The following ARHGAP10 variants were observed in gnomAD, a reference collection of about 807,000 sequenced individuals.
ARHGAP10 encodes rho GTPase-activating protein 10.
In ARHGAP10, 87 loss-of-function variants were observed where a neutral mutation model predicts 108.6. That is an observed-to-expected ratio of 0.80 (90% confidence interval 0.67 to 0.96). The LOEUF (loss-of-function observed/expected upper bound fraction) is 0.96. ARHGAP10 is among the 40% of genes least tolerant of loss of function. ARHGAP10 has a pLI of 0.00. For synonymous variants in ARHGAP10, 347 were observed against 341.1 expected (o/e 1.02, Z -0.19); for missense variants, 939 against 954.5 (o/e 0.98, Z 0.21).
intron 1 of ARHGAP10, among the ~76,000 whole-genome samples, chr4:147,795,972 CATG>C (rs1413808517): frequency 6.6e-6 from 1 of 152,156 alleles, no homozygotes; most frequent in Non-Finnish European, 1.5e-5. Context: ...GGATTACAGA[CATG>C]AGCCATCATG....
chr4:147,776,796 C>T (rs536813988), intron 1 of ARHGAP10, among the ~76,000 whole-genome samples: 77 of 152,318 alleles, frequency 5.1e-4, no homozygotes, highest in African/African-American at 1.8e-3. Flanking sequence ...GGACTTGTAT[C>T]GCAGCATGGA....
chr4:147,908,251 T>G (rs1380024289), intron 11 of ARHGAP10, among the ~76,000 whole-genome samples: 2 of 152,232 alleles, frequency 1.3e-5, no homozygotes, highest in Non-Finnish European at 2.9e-5. Flanking sequence ...ACTAGTCTTC[T>G]TTAGTAAAGA....
intron 3 of ARHGAP10, among the ~76,000 whole-genome samples, chr4:147,824,710 A>T (rs932909929): frequency 2.0e-5 from 3 of 152,092 alleles, no homozygotes; most frequent in Non-Finnish European, 1.5e-5. Flanking sequence ...ATCTCACAGG[A>T]ACTCACTGTC....
intron 18 of ARHGAP10, among the ~76,000 whole-genome samples, chr4:147,970,471 G>C (rs1739364821): frequency 6.6e-6 from 1 of 152,152 alleles, no homozygotes; most frequent in Non-Finnish European, 1.5e-5. Flanking sequence ...GGGGAGGAAA[G>C]GAAGAGGCCT....
intron 1 of ARHGAP10, among the ~76,000 whole-genome samples, chr4:147,769,012 A>ACAG (rs1261983276): frequency 6.6e-6 from 1 of 152,172 alleles, no homozygotes; most frequent in Non-Finnish European, 1.5e-5. Flanking sequence ...TGCTGGGATT[A>ACAG]CAGGTGTGAG....
chr4:147,747,862 A>G (rs947528550), intron 1 of ARHGAP10, among the ~76,000 whole-genome samples: 5 of 152,164 alleles, frequency 3.3e-5, no homozygotes, highest in African/African-American at 1.2e-4. Context: ...CTGCACTGGG[A>G]ATTCCAGAGA....
chr4:147,966,629 C>T (rs576675627), intron 17 of ARHGAP10, 51 bp from the exon 18 acceptor site: 52 of 1,469,630 alleles, frequency 3.5e-5, no homozygotes, highest in Non-Finnish European at 4.4e-5. Flanking sequence ...TTACAGTCCA[C>T]AATTTTTGCT....
chr4:147,999,195 A>C (rs986185364), intron 18 of ARHGAP10, among the ~76,000 whole-genome samples: 4 of 152,334 alleles, frequency 2.6e-5, no homozygotes, highest in Admixed American at 2.6e-4. Context: ...TAGTAAAGAG[A>C]GCTCACTAAA....
chr4:147,886,058 C>T (rs1735540398), intron 10 of ARHGAP10, among the ~76,000 whole-genome samples: 1 of 152,152 alleles, frequency 6.6e-6, no homozygotes, highest in South Asian at 2.1e-4. Context: ...AAGTTACCTA[C>T]AGGCTACAGG....
chr4:148,006,323 G>C (rs566931597), intron 18 of ARHGAP10, among the ~76,000 whole-genome samples: 1 of 152,224 alleles, frequency 6.6e-6, no homozygotes, highest in Admixed American at 6.5e-5. Flanking sequence ...CATCCCAGAC[G>C]TTAGCAGACA....
chr4:147,933,187 T>G (rs1181715859), intron 13 of ARHGAP10, among the ~76,000 whole-genome samples: 1 of 152,198 alleles, frequency 6.6e-6, no homozygotes, highest in East Asian at 1.9e-4. Context: ...GCCTGTTAGG[T>G]GAGGCCATAT....
chr4:147,869,527 A>C (rs1484849191), intron 7 of ARHGAP10, among the ~76,000 whole-genome samples: 1 of 152,110 alleles, frequency 6.6e-6, no homozygotes. Context: ...GAGAACTTAC[A>C]CAATTGACAA....
chr4:148,067,764 T>C (rs548075106), intron 22 of ARHGAP10, among the ~76,000 whole-genome samples: 2 of 152,216 alleles, frequency 1.3e-5, no homozygotes, highest in East Asian at 3.9e-4. Context: ...TCAGTAGTTA[T>C]GCGTTTGGGA....
At chr4:147,816,178 A>G (rs1447960642) in intron 1 of ARHGAP10, among the ~76,000 whole-genome samples, 1 of 152,180 alleles carries the variant, frequency 6.6e-6, no homozygotes, top group East Asian at 1.9e-4. Flanking sequence ...GACAGTGCCT[A>G]GCCCCAGTAG....
chr4:148,020,638 A>G (rs944737535), intron 18 of ARHGAP10, among the ~76,000 whole-genome samples: 2 of 149,262 alleles, frequency 1.3e-5, no homozygotes, highest in Non-Finnish European at 1.5e-5. Context: ...GTTCCTTTTT[A>G]TGACTGCATA....
chr4:147,853,846 T>G (rs570155516), intron 4 of ARHGAP10, among the ~76,000 whole-genome samples: 1 of 152,292 alleles, frequency 6.6e-6, no homozygotes, highest in Non-Finnish European at 1.5e-5. Context: ...TATGGCTTCA[T>G]TGTTTACTTG....
chr4:147,903,359 T>A (rs921646369), intron 10 of ARHGAP10, among the ~76,000 whole-genome samples: 1 of 152,192 alleles, frequency 6.6e-6, no homozygotes, highest in South Asian at 2.1e-4. Flanking sequence ...GATAGAGATT[T>A]TCCTGATTCC....
chr4:147,995,559 T>C (rs1358344839), intron 18 of ARHGAP10, among the ~76,000 whole-genome samples: 1 of 152,204 alleles, frequency 6.6e-6, no homozygotes, highest in Non-Finnish European at 1.5e-5. Flanking sequence ...AAAACAGATA[T>C]CTCAAACATG....
intron 10 of ARHGAP10, among the ~76,000 whole-genome samples, chr4:147,906,035 C>G (rs1736473583): frequency 6.6e-6 from 1 of 152,096 alleles, no homozygotes; most frequent in South Asian, 2.1e-4. Context: ...CTCTCTTTGT[C>G]TATTATTTGT....
Sources: gnomAD v4.1 joint callset for allele counts (sites outside exome capture counted in the v4.1 genomes callset) on GRCh38, gnomAD v4.1.1 for gene constraint, MANE v1.5 for transcripts, NCBI Gene and HGNC (gene_info 2026-07-23, HGNC 2026-07-21) for gene names.